Variants in MCCC1 observed in about 807,000 individuals in gnomAD.
MCCC1 encodes the protein methylcrotonyl-CoA carboxylase subunit 1, also known as methylcrotonoyl-CoA carboxylase subunit alpha, mitochondrial.
Under a neutral mutation model 83.8 loss-of-function variants are expected in MCCC1, and 64 were observed. The observed-to-expected ratio is 0.76, with a 90% CI of 0.62 to 0.94. The LOEUF is 0.94. Among genes scored for constraint, MCCC1 ranks in the 40% least tolerant of loss-of-function variants. The pLI, the probability that MCCC1 is intolerant of heterozygous loss-of-function variation, is 0.00. For synonymous variants in MCCC1, 322 were observed against 315.4 expected, an observed-to-expected ratio of 1.02 and a Z score of -0.22; for missense variants, 807 against 904.7, an observed-to-expected ratio of 0.89 and a Z score of 1.39.
chr3:183,052,152 A>G lies in MCCC1; in HGVS notation c.955+7T>C. The G allele has an allele frequency of 6.2e-7, 1 of 1,613,602 alleles. No homozygotes were observed. Among genetic ancestry groups the G allele is most frequent in the Non-Finnish European group, 8.5e-7 (1 of 1,179,534 alleles). On this transcript the variant is annotated splice_region_variant and intron_variant, in intron 9 of 18. Coordinates refer to ENST00000265594, the MANE Select transcript of MCCC1 (RefSeq NM_020166.5). Reference sequence around the variant, plus strand: ...GTCTCTTCCATTAGAAGCAAATCTTAACCTACCTGCTCCAACATAATTTAC... The same window carrying G: ...GTCTCTTCCATTAGAAGCAAATCTTGACCTACCTGCTCCAACATAATTTAC...
At chr3:183,050,705 C>CAAA (rs746973567) in intron 9 of MCCC1, among the ~76,000 whole-genome samples, 19 of 43,582 alleles carry the variant, frequency 4.4e-4, no homozygotes, top group African/African-American at 1.0e-3. Context: ...GACTCTGTCT[C>CAAA]AAAAAAAAAA....
chr3:183,097,475 C>CA (rs1718828021), intron 1 of MCCC1, among the ~76,000 whole-genome samples: 1 of 152,198 alleles, frequency 6.6e-6, no homozygotes, highest in African/African-American at 2.4e-5. Flanking sequence ...TCACTACGGC[C>CA]TGGAACCCCT....
intron 3 of MCCC1, among the ~76,000 whole-genome samples, chr3:183,092,184 A>G (rs1462352804): frequency 6.6e-6 from 1 of 152,232 alleles, no homozygotes; most frequent in African/African-American, 2.4e-5. Context: ...ATCCTCAAGG[A>G]GATAAAGACC....
intron 1 of MCCC1, among the ~76,000 whole-genome samples, chr3:183,094,904 T>C (rs1269942560): frequency 6.6e-6 from 1 of 152,158 alleles, no homozygotes; most frequent in Non-Finnish European, 1.5e-5. Context: ...TAGTTTAGCT[T>C]TTTTGAAACC....
At chr3:183,023,809 T>A (rs989230067) in intron 15 of MCCC1, among the ~76,000 whole-genome samples, 6 of 152,248 alleles carry the variant, frequency 3.9e-5, no homozygotes, top group South Asian at 4.1e-4. Context: ...CTTTTTTTTT[T>A]AAACCATTTA....
At chr3:183,066,158 T>G (rs1468049671) in intron 7 of MCCC1, among the ~76,000 whole-genome samples, 1 of 152,216 alleles carries the variant, frequency 6.6e-6, no homozygotes, top group Non-Finnish European at 1.5e-5. Flanking sequence ...ATTATCAGTA[T>G]AATTATAACT....
At chr3:183,089,201 T>C (rs531971206) in intron 3 of MCCC1, among the ~76,000 whole-genome samples, 13 of 152,300 alleles carry the variant, frequency 8.5e-5, no homozygotes, top group African/African-American at 3.1e-4. Flanking sequence ...CCTATAAAGG[T>C]TTAAAGCATT....
intron 1 of MCCC1, among the ~76,000 whole-genome samples, chr3:183,110,393 ATTTTTTTT>A (rs57833543): frequency 1.5e-5 from 2 of 129,578 alleles, no homozygotes; most frequent in East Asian, 4.5e-4. Context: ...TTTAGTCACA[ATTTTTTTT>A]TTTTTTTTTT....
intron 7 of MCCC1, among the ~76,000 whole-genome samples, chr3:183,062,336 G>A (rs974199307): frequency 1.4e-5 from 2 of 145,552 alleles, no homozygotes; most frequent in African/African-American, 2.5e-5. Flanking sequence ...TCTTGCCTGA[G>A]TTTTGTTTTT....
chr3:183,030,987 C>CA (rs1196777618), intron 14 of MCCC1, among the ~76,000 whole-genome samples: 1 of 152,018 alleles, frequency 6.6e-6, no homozygotes, highest in African/African-American at 2.4e-5. Flanking sequence ...AAGACACTAC[C>CA]AAAAAAACTC....
At chr3:183,070,752 T>C (rs1315026120) in intron 7 of MCCC1, among the ~76,000 whole-genome samples, 1 of 151,442 alleles carries the variant, frequency 6.6e-6, no homozygotes, top group Non-Finnish European at 1.5e-5. Flanking sequence ...AAAAAAATTC[T>C]ATTCACTGTT....
upstream of MCCC1, among the ~76,000 whole-genome samples, chr3:183,100,784 C>T (rs977998486): frequency 6.6e-6 from 1 of 152,254 alleles, no homozygotes; most frequent in Non-Finnish European, 1.5e-5. Context: ...TGCCTGGGCT[C>T]CCACTTTGGT....
rs1712551723 is a variant in MCCC1 at position 183,025,796 on chromosome 3, T to C, written c.1690A>G (p.Ile564Val). 3 of 1,613,476 alleles carry C rather than the reference T, an allele frequency of 1.9e-6. No individual in the cohort carries two copies. The highest frequency in any genetic ancestry group is 2.5e-6 in the Non-Finnish European group (3 of 1,179,512). Residue 564 changes from isoleucine (I) to valine (V), a missense_variant, in exon 15 of 19, where the codon ATA becomes GTA. By Grantham distance (29) the Ile-to-Val change is conservative. Coordinates refer to ENST00000265594, the MANE Select transcript of MCCC1 (RefSeq NM_020166.5). ...CCATCATGGTTATACGTTACAGCTA[T>C]GGCTACATCTTTATGGAAAAAGGGA... The part of the protein sequence containing the change: ...TLKDGKNNVA[I>V]AVTYNHDGSY...
rs1171012676 is a variant in MCCC1 at position 183,095,281 on chromosome 3, TC to T, written c.90-677del. On this transcript the variant is annotated intron_variant, in intron 1 of 18. Transcript: ENST00000265594. ...CTGGGTGACAGAGCGAGACTCCGTC[TC>T]AAAAAAAAAAACAAAAACAAAAAGA... is the stretch of plus-strand genomic sequence containing the variant. 5.9e-4 allele frequency among the ~76,000 whole-genome samples: 87 copies of T among 148,192 alleles called. 1 individual carries two copies. The highest frequency in any genetic ancestry group is 1.9e-3 in the Admixed American group (29 of 14,942).
At chr3:183,071,449 A>G (rs112348183) in intron 5 of MCCC1, 92 bp from the exon 6 acceptor site, 3 of 1,561,958 alleles carry the variant, frequency 1.9e-6, no homozygotes, top group East Asian at 2.2e-5. Context: ...ATAAATTACA[A>G]TGGAACTCTT....
At chr3:183,066,069 T>C (rs1234926661) in intron 7 of MCCC1, among the ~76,000 whole-genome samples, 22 of 152,224 alleles carry the variant, frequency 1.4e-4, no homozygotes, top group Admixed American at 1.4e-3. Flanking sequence ...TTCTTTGGGC[T>C]ATATTTATAT....
rs532038419 is a variant in MCCC1 at position 183,094,723 on chromosome 3, T to C, written c.90-118A>G. ...CTTAAGCCAACTAACAGTGCTTTAG[T>C]AAGACTTTCTTAGTGGGTAGAAAAC... On this transcript the variant is annotated intron_variant, in intron 1 of 18. Transcript: ENST00000265594. 80 of 988,488 alleles carry C rather than the reference T, an allele frequency of 8.1e-5. 1 individual carries two copies. The African/African-American group carries it at 1.2e-3, about 15-fold the overall frequency. The allele number at this position is 988,488 out of a possible 1,614,324, so 61.2% of individuals were successfully genotyped here.
chr3:183,037,560 T>C, intron 12 of MCCC1, 126 bp from the exon 13 acceptor site: 1 of 833,028 alleles, frequency 1.2e-6, no homozygotes. Flanking sequence ...AAAAACCTAC[T>C]AAGGTACCAT....
At chr3:183,115,220 C>T (rs1719570841) in intron 1 of MCCC1, among the ~76,000 whole-genome samples, 1 of 152,188 alleles carries the variant, frequency 6.6e-6, no homozygotes, top group South Asian at 2.1e-4. Context: ...CAACACTCTC[C>T]TCAACCTCCT....
Sources: allele counts gnomAD v4.1 joint callset (sites outside exome capture counted in the v4.1 genomes callset), GRCh38; gene constraint gnomAD v4.1.1; transcripts MANE v1.5; gene names NCBI Gene and HGNC (gene_info 2026-07-23, HGNC 2026-07-21).